The following CYP39A1 variants were observed in gnomAD, a reference collection of about 807,000 sequenced individuals.
CYP39A1 encodes cytochrome P450 family 39 subfamily A member 1, also known as 24-hydroxycholesterol 7-alpha-hydroxylase.
In CYP39A1, 49 loss-of-function variants were observed where a neutral mutation model predicts 58.1. The ratio of observed to expected loss-of-function variants is 0.84; its 90% CI spans 0.67 to 1.07. The LOEUF is 1.07. CYP39A1 is among the 50% of genes least tolerant of loss of function. The probability of loss-of-function intolerance (pLI) is 0.00; values close to 1 mark genes in which losing one functional copy is unlikely to be tolerated. For missense variants in CYP39A1, 531 were observed against 539.4 expected, an observed-to-expected ratio of 0.98 and a Z score of 0.16; for synonymous variants, 209 against 187.6, an observed-to-expected ratio of 1.11 and a Z score of -0.93.
rs1001917732 is a variant in CYP39A1, at chr6:46,587,182, T to G, written c.1162-17A>C. ...CCAACGTTCCTGTGGGAAGAAAACA[T>G]TTTTTTTTCCAAATCAGCCTTATAT... On this transcript the variant is annotated splice_polypyrimidine_tract_variant and intron_variant, in intron 9 of 11. Coordinates refer to ENST00000275016, the MANE Select transcript of CYP39A1 (RefSeq NM_016593.5). 4 of 1,503,540 alleles carry G rather than the reference T, an allele frequency of 2.7e-6. No homozygotes were observed. The African/African-American group carries it at 5.5e-5, about 21-fold the overall frequency. The allele number at this position is 1,503,540 out of a possible 1,614,324, so 93.1% of individuals were successfully genotyped here. A position where few individuals can be genotyped will look rare whatever the true frequency, so the allele number is the denominator to read the frequency against.
At chr6:46,583,414 G>T in intron 10 of CYP39A1, 1 of 985,354 alleles carries the variant, frequency 1.0e-6, no homozygotes, top group Non-Finnish European at 1.2e-6. Context: ...TCTCAGAGGT[G>T]CTCACTCAAA....
At chr6:46,565,487 T>TTA (rs1561953376) in intron 10 of CYP39A1, among the ~76,000 whole-genome samples, 1 of 144,012 alleles carries the variant, frequency 6.9e-6, no homozygotes, top group Non-Finnish European at 1.5e-5. Context: ...GAAGAAAACA[T>TTA]AAAAAAAAGA....
intron 11 of CYP39A1, 107 bp downstream of exon 11, chr6:46,553,660 A>C (rs1438910622): frequency 2.7e-6 from 2 of 742,640 alleles, no homozygotes; most frequent in Admixed American, 4.4e-5. Context: ...ATCAGGCCTA[A>C]GTGAGGAAAT....
At chr6:46,595,459 T>G (rs539279719) in intron 8 of CYP39A1, among the ~76,000 whole-genome samples, 2 of 152,072 alleles carry the variant, frequency 1.3e-5, no homozygotes, top group East Asian at 3.9e-4. Flanking sequence ...CTAGAAAACA[T>G]TTTGTTAAGT....
intron 1 of CYP39A1, among the ~76,000 whole-genome samples, chr6:46,651,010 T>G (rs1762651446): frequency 6.6e-6 from 1 of 152,202 alleles, no homozygotes; most frequent in African/African-American, 2.4e-5. Context: ...TGCAAAGAAT[T>G]ATGGTATTCA....
At chr6:46,598,178 T>G (rs745642066) in intron 7 of CYP39A1, among the ~76,000 whole-genome samples, 5 of 152,174 alleles carry the variant, frequency 3.3e-5, no homozygotes, top group Non-Finnish European at 7.4e-5. Flanking sequence ...GACACATTAG[T>G]GTATTACAGG....
chr6:46,566,875 T>A (rs1240926313), intron 10 of CYP39A1, among the ~76,000 whole-genome samples: 1 of 151,896 alleles, frequency 6.6e-6, no homozygotes, highest in Non-Finnish European at 1.5e-5. Context: ...TATGCACACA[T>A]ATATACATGT....
intron 10 of CYP39A1, among the ~76,000 whole-genome samples, chr6:46,578,561 A>G (rs1188760859): frequency 6.6e-6 from 1 of 152,092 alleles, no homozygotes; most frequent in Non-Finnish European, 1.5e-5. Context: ...AAGAAAAAAA[A>G]AGAGAAAAGA....
intron 5 of CYP39A1, among the ~76,000 whole-genome samples, chr6:46,634,803 T>C (rs1399735767): frequency 6.6e-6 from 1 of 152,226 alleles, no homozygotes; most frequent in African/African-American, 2.4e-5. Flanking sequence ...ATTACAGGCG[T>C]GAGCCACAGC....
intron 7 of CYP39A1, among the ~76,000 whole-genome samples, chr6:46,616,246 T>C (rs994351126): frequency 5.5e-4 from 41 of 74,210 alleles, no homozygotes; most frequent in African/African-American, 1.3e-3. Flanking sequence ...CTCCCTCCCT[T>C]CCTTCCTTCC....
intron 6 of CYP39A1, among the ~76,000 whole-genome samples, chr6:46,627,380 C>G (rs6936750): frequency 0.072 from 10,957 of 151,896 alleles, 1,270 homozygotes; most frequent in African/African-American, 0.25. Flanking sequence ...CAAACATAAG[C>G]AATTTAGCTA....
At chr6:46,561,946 G>A (rs1771000087) in intron 10 of CYP39A1, among the ~76,000 whole-genome samples, 1 of 152,134 alleles carries the variant, frequency 6.6e-6, no homozygotes, top group Non-Finnish European at 1.5e-5. Context: ...TAGACAGGAG[G>A]AATAAGTTCA....
At position 46,550,226 on chromosome 6, in the gene CYP39A1, C is replaced by A; in HGVS notation, c.*140G>T. On this transcript the variant is annotated 3_prime_UTR_variant, in exon 12 of 12. Coordinates refer to ENST00000275016, the MANE Select transcript of CYP39A1 (RefSeq NM_016593.5). Reference sequence around the variant, plus strand: ...TACTGTTGAAGATACCAAACACATGCACCATTTGAATGTGTTCTTGAACTA... The same window carrying A: ...TACTGTTGAAGATACCAAACACATGAACCATTTGAATGTGTTCTTGAACTA... 3.5e-6 allele frequency: 2 copies of A among 566,014 alleles called. No individual in the cohort carries two copies. The highest frequency in any genetic ancestry group is 2.9e-5 in the South Asian group (1 of 34,386). 35.1% of individuals were successfully genotyped at this position (566,014 alleles called of 1,614,324 possible). A position where few individuals can be genotyped will look rare whatever the true frequency, so the allele number is the denominator to read the frequency against.
intron 4 of CYP39A1, among the ~76,000 whole-genome samples, chr6:46,637,513 G>A (rs1026172587): frequency 2.0e-5 from 3 of 152,202 alleles, no homozygotes; most frequent in African/African-American, 7.2e-5. Flanking sequence ...TCAGGTTGAC[G>A]ATTTAGCAGG....
At chr6:46,570,618 G>A (rs570160747) in intron 10 of CYP39A1, among the ~76,000 whole-genome samples, 1 of 152,154 alleles carries the variant, frequency 6.6e-6, no homozygotes. Context: ...TCTGCAGGCT[G>A]TACATGAAGC....
chr6:46,593,005 A>T (rs1442392140), intron 8 of CYP39A1, among the ~76,000 whole-genome samples: 2 of 152,104 alleles, frequency 1.3e-5, no homozygotes, highest in African/African-American at 4.8e-5. Flanking sequence ...GAAGAGTCAA[A>T]AACTACTAAA....
chr6:46,608,727 G>A (rs1362110610), intron 7 of CYP39A1, among the ~76,000 whole-genome samples: 1 of 151,866 alleles, frequency 6.6e-6, no homozygotes, highest in African/African-American at 2.4e-5. Context: ...TAATTCTACT[G>A]CCTCAGCCTC....
chr6:46,637,454 T>C (rs538350906), intron 4 of CYP39A1, among the ~76,000 whole-genome samples: 2 of 152,352 alleles, frequency 1.3e-5, no homozygotes, highest in Non-Finnish European at 2.9e-5. Flanking sequence ...ACCACGCCCA[T>C]GTTTGCCTCA....
intron 5 of CYP39A1, among the ~76,000 whole-genome samples, chr6:46,633,422 G>A (rs529500656): frequency 2.6e-5 from 4 of 152,212 alleles, no homozygotes; most frequent in Admixed American, 6.5e-5. Context: ...GCAATAAAGC[G>A]TGTATATATT....
Sources: gnomAD v4.1 joint callset for allele counts (sites outside exome capture counted in the v4.1 genomes callset) on GRCh38, gnomAD v4.1.1 for gene constraint, MANE v1.5 for transcripts, NCBI Gene and HGNC (gene_info 2026-07-23, HGNC 2026-07-21) for gene names.